Variants in NPSR1 observed in about 807,000 individuals in gnomAD.
NPSR1 encodes neuropeptide S receptor.
NPSR1 carries 48 observed loss-of-function variants against 46.9 expected under a neutral mutation model. The ratio of observed to expected loss-of-function variants is 1.02; its 90% confidence interval spans 0.81 to 1.30. NPSR1 has a LOEUF of 1.30. NPSR1 is among the 50% of genes most tolerant of loss of function. The pLI is 0.00. For missense variants in NPSR1, 450 were observed against 449.5 expected (o/e 1.00, Z -0.01); for synonymous variants, 176 against 168.1 (o/e 1.05, Z -0.36).
intron 2 of NPSR1, 60 bp downstream of exon 2, chr7:34,684,744 C>T: frequency 3.8e-6 from 5 of 1,325,864 alleles, no homozygotes; most frequent in South Asian, 1.9e-5. Context: ...TGGCTTCCTG[C>T]TTTTAATGAA....
At chr7:34,791,099 A>G (rs1787819198) in intron 3 of NPSR1, among the ~76,000 whole-genome samples, 1 of 114,540 alleles carries the variant, frequency 8.7e-6, no homozygotes, top group Non-Finnish European at 1.7e-5. Flanking sequence ...TATATATTAT[A>G]TATAATATGT....
intron 2 of NPSR1, among the ~76,000 whole-genome samples, chr7:34,717,028 A>G (rs1327367699): frequency 6.6e-6 from 1 of 152,220 alleles, no homozygotes; most frequent in Non-Finnish European, 1.5e-5. Context: ...ACTGCCAGGG[A>G]TATTTTACTC....
At chr7:34,690,683 GA>G in intron 2 of NPSR1, among the ~76,000 whole-genome samples, 1 of 152,110 alleles carries the variant, frequency 6.6e-6, no homozygotes, top group East Asian at 1.9e-4. Context: ...AAAATATACA[GA>G]AAAATGAATT....
chr7:34,822,983 T>C (rs1789628048), intron 4 of NPSR1, among the ~76,000 whole-genome samples: 1 of 152,164 alleles, frequency 6.6e-6, no homozygotes, highest in Admixed American at 6.5e-5. Flanking sequence ...GAAAATATTT[T>C]TATGTAACAG....
At chr7:34,760,716 C>A (rs886471489) in intron 2 of NPSR1, among the ~76,000 whole-genome samples, 4 of 152,124 alleles carry the variant, frequency 2.6e-5, no homozygotes, top group Admixed American at 1.3e-4. Context: ...AAACTAAGGG[C>A]AAAACTGACT....
intron 2 of NPSR1, among the ~76,000 whole-genome samples, chr7:34,769,652 C>A (rs1213277280): frequency 2.0e-5 from 3 of 152,218 alleles, no homozygotes; most frequent in African/African-American, 7.2e-5. Flanking sequence ...GCATTCCTTT[C>A]TCACCTGACC....
At chr7:34,836,631 AAGAAAGAAAGAAAG>A (rs1235618894) in intron 6 of NPSR1, among the ~76,000 whole-genome samples, 1 of 151,378 alleles carries the variant, frequency 6.6e-6, no homozygotes, top group African/African-American at 2.4e-5. Flanking sequence ...GAAAAGAAGA[AAGAAAGAAAGAAAG>A]AGAAAGAAAG....
At chr7:34,811,368 A>C (rs1272341743) in intron 3 of NPSR1, among the ~76,000 whole-genome samples, 1 of 151,284 alleles carries the variant, frequency 6.6e-6, no homozygotes, top group Non-Finnish European at 1.5e-5. Flanking sequence ...TAGTGTTCAG[A>C]CCCTCCTTCT....
At chr7:34,669,369 C>A (rs187869492) in intron 1 of NPSR1, among the ~76,000 whole-genome samples, 393 of 152,154 alleles carry the variant, frequency 2.6e-3, no homozygotes, top group African/African-American at 9.2e-3. Context: ...TTGAGACCAG[C>A]CTGGCCAACA....
intron 8 of NPSR1, among the ~76,000 whole-genome samples, chr7:34,876,273 T>G (rs970881302): frequency 7.9e-5 from 12 of 152,160 alleles, no homozygotes; most frequent in African/African-American, 2.4e-4. Flanking sequence ...TTCAAAACCC[T>G]TACCCCACAT....
intron 3 of NPSR1, among the ~76,000 whole-genome samples, chr7:34,790,124 A>T (rs970288685): frequency 6.6e-6 from 1 of 152,140 alleles, no homozygotes; most frequent in Non-Finnish European, 1.5e-5. Context: ...AATCCTCAAC[A>T]AAATACTAGC....
At chr7:34,806,020 C>A (rs1483714699) in intron 3 of NPSR1, among the ~76,000 whole-genome samples, 2 of 151,872 alleles carry the variant, frequency 1.3e-5, no homozygotes, top group East Asian at 3.9e-4. Flanking sequence ...TCAAAAAAAA[C>A]TGAAAATACC....
chr7:34,807,255 T>G (rs896670059), intron 3 of NPSR1, among the ~76,000 whole-genome samples: 8 of 151,956 alleles, frequency 5.3e-5, no homozygotes, highest in African/African-American at 1.7e-4. Flanking sequence ...ATTGAGAGGG[T>G]TTTTTTTCTT....
intron 2 of NPSR1, among the ~76,000 whole-genome samples, chr7:34,754,448 A>T (rs1785710998): frequency 6.6e-6 from 1 of 151,934 alleles, no homozygotes; most frequent in African/African-American, 2.4e-5. Context: ...CAGCTGATGA[A>T]TTTTCACAAA....
chr7:34,737,441 T>C (rs1441911166), intron 2 of NPSR1, among the ~76,000 whole-genome samples: 2 of 152,246 alleles, frequency 1.3e-5, no homozygotes, highest in Non-Finnish European at 2.9e-5. Flanking sequence ...GGAAAACTTC[T>C]TGCAGTAATT....
chr7:34,857,614 C>A (rs1447689691), intron 8 of NPSR1, among the ~76,000 whole-genome samples: 1 of 151,482 alleles, frequency 6.6e-6, no homozygotes, highest in Non-Finnish European at 1.5e-5. Flanking sequence ...GGATTATAGA[C>A]CTAAATTCAC....
In NPSR1 at chr7:34,804,699, A is replaced by T. The variant is rs143350199; in HGVS notation, c.385-7071A>T. On this transcript the variant is annotated intron_variant, in intron 3 of 8. Transcript: ENST00000360581. ...ATTTAACAGGACAAGAAAAGTAAAT[A>T]AAAAGTTTATACATTGGAAAAGATG... 2.2e-4 allele frequency among the ~76,000 whole-genome samples: 33 copies of T among 152,210 alleles called. No homozygotes were observed. The East Asian group carries it at 5.8e-3, about 27-fold the overall frequency.
chr7:34,775,868 A>G (rs1786933747), intron 2 of NPSR1, among the ~76,000 whole-genome samples: 3 of 152,108 alleles, frequency 2.0e-5, no homozygotes, highest in African/African-American at 7.2e-5. Flanking sequence ...AGGTACTAAT[A>G]GCCATAAACT....
At chr7:34,790,673 ATATGTTC>A (rs1787699672) in intron 3 of NPSR1, among the ~76,000 whole-genome samples, 1 of 146,258 alleles carries the variant, frequency 6.8e-6, no homozygotes, top group Non-Finnish European at 1.5e-5. Flanking sequence ...AATATATGTT[ATATGTTC>A]TATGTTATAT....
Sources: gnomAD v4.1 joint callset for allele counts (sites outside exome capture counted in the v4.1 genomes callset) on GRCh38, gnomAD v4.1.1 for gene constraint, MANE v1.5 for transcripts, NCBI Gene and HGNC (gene_info 2026-07-23, HGNC 2026-07-21) for gene names.